NDUFS8: variants seen among roughly 807,000 people sequenced by gnomAD.
NDUFS8 encodes NADH:ubiquinone oxidoreductase core subunit S8.
NDUFS8 carries 13 observed loss-of-function variants against 25.6 expected under a neutral mutation model. The observed-to-expected ratio is 0.51, with a 90% CI of 0.33 to 0.81. The LOEUF is 0.81. NDUFS8 is among the 30% of genes least tolerant of loss of function. NDUFS8 has a pLI of 0.02. For synonymous variants in NDUFS8, 119 were observed against 119.4 expected (o/e 1.00, Z 0.02); for missense variants, 257 against 300.9 (o/e 0.85, Z 1.08).
intron 1 of NDUFS8, 136 bp from the exon 2 acceptor site, chr11:68,032,016 C>G (rs1394158509): frequency 2.3e-6 from 3 of 1,281,378 alleles, no homozygotes; most frequent in Non-Finnish European, 2.3e-6. Flanking sequence ...GCCATCTGTG[C>G]CTCTGACAGC....
At chr11:68,034,401 T>C (rs533863669) in intron 5 of NDUFS8, 1 of 152,364 alleles carries the variant, frequency 6.6e-6, no homozygotes, top group East Asian at 1.9e-4. Context: ...GAGAAGTAGA[T>C]TTAAGGCACA....
intron 3 of NDUFS8, 40 bp from the exon 4 acceptor site, chr11:68,032,883 G>A: frequency 6.3e-7 from 1 of 1,594,826 alleles, no homozygotes; most frequent in Non-Finnish European, 8.6e-7. Context: ...GACAGTGTGT[G>A]AGGCCTCTTG....
At position 68,032,353 on chromosome 11, in the gene NDUFS8, C is replaced by T. The variant is rs775748305; in HGVS notation, c.109+17C>T. The T allele has an allele frequency of 6.2e-7, 1 of 1,612,976 alleles. No individual in the cohort carries two copies. Among genetic ancestry groups the T allele is most frequent in the Non-Finnish European group, 8.5e-7 (1 of 1,179,980 alleles). Reference sequence around the variant, plus strand: ...CCACCTACAGTGAGTACCTGGGTGGCCTCTAGCCTCAGGTGTTCCTGACTG... The same window carrying T: ...CCACCTACAGTGAGTACCTGGGTGGTCTCTAGCCTCAGGTGTTCCTGACTG... On this transcript the variant is annotated intron_variant, in intron 3 of 6. Transcript: ENST00000313468.
chr11:68,033,274 C>T lies in NDUFS8; in HGVS notation c.363C>T (p.Cys121=), dbSNP rs754438613. 6.2e-7 allele frequency: 1 copy of T among 1,604,764 alleles called. No individual in the cohort carries two copies. Residue 121 remains cysteine, a synonymous_variant, in exon 5 of 7, where the codon TGC becomes TGT. Coordinates refer to ENST00000313468, the MANE Select transcript of NDUFS8 (RefSeq NM_002496.4). Reference sequence around the variant, plus strand: ...CCTGCAAGCTCTGCGAGGCCATCTGCCCCGCCCAGGTGAGCCCCTGCCCCA... The same window carrying T: ...CCTGCAAGCTCTGCGAGGCCATCTGTCCCGCCCAGGTGAGCCCCTGCCCCA... The part of the protein sequence containing the change: ...CIACKLCEAI[C]PAQAITIEAE...
intron 5 of NDUFS8, chr11:68,035,981 T>A: frequency 2.4e-6 from 1 of 425,310 alleles, no homozygotes; most frequent in South Asian, 2.1e-5. Context: ...ATTGTGCTGC[T>A]GCACTCCAGC....
chr11:68,032,964 GTGAC>G lies in NDUFS8; in HGVS notation c.156_159del (p.Asp53GlyfsTer17). On this transcript the variant is annotated frameshift_variant, in exon 4 of 7. Coordinates refer to ENST00000313468, the MANE Select transcript of NDUFS8 (RefSeq NM_002496.4). LOFTEE classifies it high-confidence loss of function. Reference sequence around the variant, plus strand: ...GGATCCCGAGATGGACATGAAGTCAGTGACTGACCGGGCAGCCCGCACCCTGCTG... The same window carrying G: ...GGATCCCGAGATGGACATGAAGTCAGTGACCGGGCAGCCCGCACCCTGCTG... 3 of 1,613,936 alleles carry G rather than the reference GTGAC, an allele frequency of 1.9e-6. No homozygotes were observed. Among genetic ancestry groups the G allele is most frequent in the Non-Finnish European group, 1.7e-6 (2 of 1,180,012 alleles).
intron 5 of NDUFS8, chr11:68,034,803 G>T (rs188672758): frequency 6.6e-5 from 10 of 151,812 alleles, no homozygotes; most frequent in African/African-American, 1.9e-4. Context: ...GGTTGCGGTG[G>T]CTCACGCCTG....
intron 5 of NDUFS8, chr11:68,035,658 C>T (rs1055640019): frequency 2.9e-5 from 13 of 455,006 alleles, no homozygotes; most frequent in African/African-American, 2.4e-4. Flanking sequence ...GGGTGCTACA[C>T]TGAACAAAGC....
At chr11:68,036,059 G>T (rs868847333) in intron 5 of NDUFS8, 194 bp from the exon 6 acceptor site, 2 of 597,678 alleles carry the variant, frequency 3.3e-6, no homozygotes, top group Non-Finnish European at 2.8e-6. Context: ...AGGCAGGGAC[G>T]CCAGCAGGGC....
Position 68,036,190 on chromosome 11 carries a change from A to G in NDUFS8, c.373-63A>G, listed in dbSNP as rs1854886358. On this transcript the variant is annotated intron_variant, in intron 5 of 6. Transcript: ENST00000313468. ...CCCAGGGGTGGGGATGAGCAGTGAC[A>G]GGGGCCCTGGGGGCTGGGATGTGAC... 3 of 1,606,038 alleles carry G rather than the reference A, an allele frequency of 1.9e-6. No homozygotes were observed. In the South Asian group the frequency reaches 3.3e-5, roughly 18 times the overall value.
At chr11:68,035,546 C>A in intron 5 of NDUFS8, 1 of 270,882 alleles carries the variant, frequency 3.7e-6, no homozygotes, top group Non-Finnish European at 7.7e-6. Flanking sequence ...CAGGGTTGCC[C>A]CAAACCTTCA....
intron 5 of NDUFS8, 184 bp downstream of exon 5, chr11:68,033,467 G>A (rs1051832952): frequency 3.8e-6 from 3 of 779,478 alleles, no homozygotes; most frequent in Admixed American, 2.1e-5. Flanking sequence ...CACAGAGTCA[G>A]TGAGTTGGCA....
chr11:68,034,642 GTC>G (rs1854844697), intron 5 of NDUFS8: 1 of 151,458 alleles, frequency 6.6e-6, no homozygotes, highest in Non-Finnish European at 1.5e-5. Context: ...GTGAAACCCC[GTC>G]TCTACTAAAA....
At chr11:68,032,755 C>T (rs902213033) in intron 3 of NDUFS8, 168 bp from the exon 4 acceptor site, 11 of 835,472 alleles carry the variant, frequency 1.3e-5, no homozygotes, top group African/African-American at 1.0e-4. Context: ...AGGCCAGAGG[C>T]GGCCTCCAGG....
At chr11:68,031,331 GA>G (rs1407796727) in intron 1 of NDUFS8, among the ~76,000 whole-genome samples, 3 of 152,204 alleles carry the variant, frequency 2.0e-5, no homozygotes, top group African/African-American at 7.2e-5. Flanking sequence ...CTTATCGTGT[GA>G]CTTCCGACAA....
chr11:68,033,535 C>A, intron 5 of NDUFS8: 1 of 592,338 alleles, frequency 1.7e-6, no homozygotes, highest in Non-Finnish European at 3.0e-6. Flanking sequence ...CCCTTGGGGT[C>A]TGGCCAAGGG....
rs775082043 is a variant in NDUFS8 at position 68,033,094 on chromosome 11, A to G, written c.200-17A>G. 1.9e-6 allele frequency: 3 copies of G among 1,612,632 alleles called. No homozygotes were observed. The highest frequency in any genetic ancestry group is 1.7e-6 in the Non-Finnish European group (2 of 1,179,770). ...GGAGGAGGGTGCCCCTGCCCACCAC[A>G]CCCGTGCTGCCCACAGGCCTGGGCA... On this transcript the variant is annotated splice_polypyrimidine_tract_variant and intron_variant, in intron 4 of 6. Transcript: ENST00000313468.
rs550258755 is a variant in NDUFS8 at position 68,033,103 on chromosome 11, G to T, written c.200-8G>T. The T allele has an allele frequency of 4.4e-5, 71 of 1,612,920 alleles. No homozygotes were observed. In the Middle Eastern group the frequency reaches 6.6e-4, roughly 15 times the overall value. ...TGCCCCTGCCCACCACACCCGTGCT[G>T]CCCACAGGCCTGGGCATGACCCTGA... On this transcript the variant is annotated splice_region_variant and splice_polypyrimidine_tract_variant and intron_variant, in intron 4 of 6. Coordinates refer to ENST00000313468, the MANE Select transcript of NDUFS8 (RefSeq NM_002496.4).
At chr11:68,032,613 C>G (rs948077907) in intron 3 of NDUFS8, 6 of 1,194,346 alleles carry the variant, frequency 5.0e-6, no homozygotes, top group Admixed American at 2.6e-5. Flanking sequence ...ATTGCCAGTC[C>G]CTGGTGAAGG....
Sources: allele counts gnomAD v4.1 joint callset (sites outside exome capture counted in the v4.1 genomes callset), GRCh38; gene constraint gnomAD v4.1.1; transcripts MANE v1.5; gene names NCBI Gene and HGNC (gene_info 2026-07-23, HGNC 2026-07-21).